The following GPR158 variants were observed in gnomAD, a reference collection of about 807,000 sequenced individuals.
GPR158 encodes the protein metabotropic glycine receptor.
GPR158 carries 30 observed loss-of-function variants against 78.2 expected under a neutral mutation model. The ratio of observed to expected loss-of-function variants is 0.38; its 90% CI spans 0.29 to 0.52. The LOEUF (loss-of-function observed/expected upper bound fraction) is 0.52. GPR158 is among the 20% of genes least tolerant of loss of function. The pLI is 0.83. For synonymous variants in GPR158, 581 were observed against 591.1 expected (o/e 0.98, Z 0.25); for missense variants, 1,463 against 1,523.5 (o/e 0.96, Z 0.66).
chr10:25,424,843 C>A (rs1407924121), intron 4 of GPR158, among the ~76,000 whole-genome samples: 1 of 152,148 alleles, frequency 6.6e-6, no homozygotes, highest in African/African-American at 2.4e-5. Context: ...GTTCTTTTTG[C>A]TTAGGATTAT....
chr10:25,579,131 T>A (rs1476782835), intron 7 of GPR158, among the ~76,000 whole-genome samples: 3 of 151,590 alleles, frequency 2.0e-5, no homozygotes, highest in Admixed American at 2.0e-4. Context: ...CTGTTGGTAG[T>A]ACAACTGTAC....
chr10:25,261,025 C>T (rs1853961368), intron 2 of GPR158, among the ~76,000 whole-genome samples: 1 of 152,166 alleles, frequency 6.6e-6, no homozygotes, highest in East Asian at 1.9e-4. Flanking sequence ...TACCCAAGAT[C>T]ACAGACTCTT....
intron 7 of GPR158, among the ~76,000 whole-genome samples, chr10:25,584,850 T>C (rs116607002): frequency 1.3e-5 from 2 of 152,348 alleles, no homozygotes; most frequent in South Asian, 2.1e-4. Flanking sequence ...GATCAATTCA[T>C]GAATCAGGAA....
chr10:25,312,739 T>C (rs1384429530), intron 2 of GPR158, among the ~76,000 whole-genome samples: 1 of 152,176 alleles, frequency 6.6e-6, no homozygotes, highest in Non-Finnish European at 1.5e-5. Context: ...TGCAAAGCCT[T>C]AGATTTAGTA....
intron 1 of GPR158, among the ~76,000 whole-genome samples, chr10:25,196,848 C>A (rs7101310): frequency 0.034 from 5,240 of 152,240 alleles, 141 homozygotes; most frequent in Non-Finnish European, 0.051. Context: ...AGAAGTAAGT[C>A]CTTCATTTAA....
At chr10:25,485,119 G>GAA (rs59516587) in intron 5 of GPR158, among the ~76,000 whole-genome samples, 6 of 150,776 alleles carry the variant, frequency 4.0e-5, no homozygotes, top group African/African-American at 1.5e-4. Flanking sequence ...GCTATAGACA[G>GAA]AAAAAAAATA....
intron 2 of GPR158, among the ~76,000 whole-genome samples, chr10:25,319,817 A>ACCC (rs1308985426): frequency 9.3e-5 from 8 of 85,788 alleles, no homozygotes; most frequent in Non-Finnish European, 2.0e-4. Flanking sequence ...ATTGCTGAAC[A>ACCC]CCCCACCCCC....
At chr10:25,537,253 T>C (rs1418741453) in intron 5 of GPR158, among the ~76,000 whole-genome samples, 1 of 152,202 alleles carries the variant, frequency 6.6e-6, no homozygotes, top group Admixed American at 6.5e-5. Context: ...TTCCATTATT[T>C]CTGAGGACTC....
At chr10:25,233,061 G>T (rs1853474044) in intron 2 of GPR158, among the ~76,000 whole-genome samples, 2 of 152,200 alleles carry the variant, frequency 1.3e-5, no homozygotes. Flanking sequence ...AGAAAAGTGT[G>T]TAAAGGGGGA....
intron 2 of GPR158, among the ~76,000 whole-genome samples, chr10:25,270,344 A>T (rs1167843799): frequency 1.3e-5 from 2 of 152,028 alleles, no homozygotes; most frequent in Non-Finnish European, 2.9e-5. Context: ...TTTTCCTCCG[A>T]TGTGCAGGGG....
intron 5 of GPR158, among the ~76,000 whole-genome samples, chr10:25,515,503 G>T (rs546888930): frequency 7.4e-6 from 1 of 134,686 alleles, no homozygotes. Context: ...ATATCTCCCA[G>T]TGCTATCCCT....
intron 2 of GPR158, among the ~76,000 whole-genome samples, chr10:25,387,115 A>G (rs1834231798): frequency 6.6e-6 from 1 of 152,068 alleles, no homozygotes; most frequent in African/African-American, 2.4e-5. Context: ...GTGGTTTTTC[A>G]TGTATGATCT....
intron 2 of GPR158, among the ~76,000 whole-genome samples, chr10:25,239,601 C>T (rs1229246818): frequency 1.1e-5 from 1 of 94,104 alleles, no homozygotes; most frequent in African/African-American, 5.0e-5. Flanking sequence ...GAGCGAGACT[C>T]TGTCTCAAAA....
At chr10:25,586,510 C>T (rs193291269) in intron 7 of GPR158, among the ~76,000 whole-genome samples, 7 of 148,832 alleles carry the variant, frequency 4.7e-5, no homozygotes, top group East Asian at 2.0e-4. Flanking sequence ...TCAAGCAATT[C>T]GCCTGCCTCA....
intron 1 of GPR158, among the ~76,000 whole-genome samples, chr10:25,182,474 A>G (rs1852624122): frequency 6.6e-6 from 1 of 152,246 alleles, no homozygotes; most frequent in Non-Finnish European, 1.5e-5. Context: ...TAGCAATGGT[A>G]CAGGATTATC....
chr10:25,473,697 C>T (rs185030272), intron 5 of GPR158, among the ~76,000 whole-genome samples: 3 of 152,172 alleles, frequency 2.0e-5, no homozygotes, highest in African/African-American at 4.8e-5. Context: ...GTGTATGTGT[C>T]GAGGAATTTA....
intron 5 of GPR158, among the ~76,000 whole-genome samples, chr10:25,535,815 C>T (rs942280902): frequency 6.6e-6 from 1 of 152,224 alleles, no homozygotes; most frequent in Non-Finnish European, 1.5e-5. Flanking sequence ...CAACTCCACA[C>T]TATTCAGAAG....
intron 4 of GPR158, among the ~76,000 whole-genome samples, chr10:25,462,002 C>T (rs1238367994): frequency 3.3e-5 from 5 of 152,104 alleles, no homozygotes; most frequent in East Asian, 1.9e-4. Flanking sequence ...GGCCTCCCAA[C>T]GTGCTGGGAT....
In GPR158 at chr10:25,572,554, G is replaced by A. The variant is rs529934303; in HGVS notation, c.1515-95G>A. 86 of 827,202 alleles carry A rather than the reference G, an allele frequency of 1.0e-4. No individual in the cohort carries two copies. In the African/African-American group the frequency reaches 1.3e-3, roughly 12 times the overall value. The allele number at this position is 827,202 out of a possible 1,614,324, so 51.2% of individuals were successfully genotyped here. ...GCAAACTCTGATTAGCTGGATTTTGGTGGGTTTACATTTTACCTAGAAAAA... is the reference window on the plus strand; with the variant it reads ...GCAAACTCTGATTAGCTGGATTTTGATGGGTTTACATTTTACCTAGAAAAA... On this transcript the variant is annotated intron_variant, in intron 6 of 10. Coordinates refer to ENST00000376351, the MANE Select transcript of GPR158 (RefSeq NM_020752.3).
Sources: allele counts gnomAD v4.1 joint callset (sites outside exome capture counted in the v4.1 genomes callset), GRCh38; gene constraint gnomAD v4.1.1; transcripts MANE v1.5; gene names NCBI Gene and HGNC (gene_info 2026-07-23, HGNC 2026-07-21).